Variants in STAB1 observed in about 807,000 individuals in gnomAD.
STAB1 encodes stabilin-1.
In STAB1, 250 loss-of-function variants were observed where a neutral mutation model predicts 332.4. The observed-to-expected ratio is 0.75, with a 90% CI of 0.68 to 0.84. STAB1 has a LOEUF of 0.84. STAB1 is among the 40% of genes least tolerant of loss of function. The probability of loss-of-function intolerance (pLI) is 0.00; values close to 1 mark genes in which losing one functional copy is unlikely to be tolerated. For missense variants in STAB1, 3,249 were observed against 3,489.7 expected (o/e 0.93, Z 1.74); for synonymous variants, 1,475 against 1,390.4 (o/e 1.06, Z -1.35).
chr3:52,512,693 G>T lies in STAB1; in HGVS notation c.3027+50G>T, dbSNP rs1433836680. 3 of 1,611,840 alleles carry T rather than the reference G, an allele frequency of 1.9e-6. No homozygotes were observed. In the South Asian group the frequency reaches 3.3e-5, roughly 18 times the overall value. On this transcript the variant is annotated intron_variant, in intron 28 of 68. Coordinates refer to ENST00000321725, the MANE Select transcript of STAB1 (RefSeq NM_015136.3). ...TTGAGGGCTCAAATCCAGGAGGCCTGCCTGGATGGAGGGGTGCCATATAAC... is the reference window on the plus strand; with the variant it reads ...TTGAGGGCTCAAATCCAGGAGGCCTTCCTGGATGGAGGGGTGCCATATAAC...
chr3:52,513,066 C>T, intron 29 of STAB1, 64 bp from the exon 30 acceptor site: 1 of 1,555,034 alleles, frequency 6.4e-7, no homozygotes, highest in Admixed American at 2.0e-5. Flanking sequence ...TGGGCCCAGC[C>T]CCAAAGGTCT....
chr3:52,510,598 C>A, intron 25 of STAB1, 91 bp downstream of exon 25: 1 of 1,491,484 alleles, frequency 6.7e-7, no homozygotes, highest in South Asian at 1.3e-5. Context: ...GTCAGGTGCT[C>A]AGGGTCTGGA....
rs1044934226 is a variant in STAB1 at position 52,521,322 on chromosome 3, G to A, written c.5909-39G>A. On this transcript the variant is annotated intron_variant, in intron 55 of 68. Coordinates refer to ENST00000321725, the MANE Select transcript of STAB1 (RefSeq NM_015136.3). ...TACGTATATGGGGGTCCTGGTGAGA[G>A]CCCCTGGCCCCACCTCACTTCTCCT... 136 of 1,611,868 alleles carry A rather than the reference G, an allele frequency of 8.4e-5. No individual in the cohort carries two copies. In the Middle Eastern group the frequency reaches 1.4e-3, roughly 17 times the overall value.
intron 1 of STAB1, 145 bp from the exon 2 acceptor site, chr3:52,501,021 T>C: frequency 1.7e-6 from 2 of 1,202,862 alleles, no homozygotes; most frequent in Non-Finnish European, 2.3e-6. Context: ...AACTCAGCTC[T>C]GTGCCCAGAA....
intron 64 of STAB1, 21 bp from the exon 65 acceptor site, chr3:52,523,406 C>T: frequency 2.5e-6 from 4 of 1,609,796 alleles, no homozygotes; most frequent in Non-Finnish European, 2.5e-6. Context: ...CCCAGGCCAA[C>T]AGGCCTTGCT....
At position 52,517,924 on chromosome 3, in the gene STAB1, G is replaced by A. The variant is rs780354717; in HGVS notation, c.4682G>A (p.Gly1561Glu). ...CCATATGCCACCTGCAAAAGCACAG[G>A]GGATGGCCAGAGGACATGTACCTGC... ...CSPYATCKST[G>E]DGQRTCTCDT... The change falls in exon 45 of 69, where the codon GGG (glycine) becomes GAG (glutamate). Residue 1561 changes from glycine to glutamate, a missense_variant. Transcript: ENST00000321725. The A allele has an allele frequency of 6.2e-6, 10 of 1,611,426 alleles. No individual in the cohort carries two copies. Among genetic ancestry groups the A allele is most frequent in the African/African-American group, 1.3e-5 (1 of 74,856 alleles).
rs758304282 is a variant in STAB1, at chr3:52,501,221, C to T, written c.134C>T (p.Thr45Ile). 4 of 1,613,778 alleles carry T rather than the reference C, an allele frequency of 2.5e-6. No individual in the cohort carries two copies. In the South Asian group the frequency reaches 4.4e-5, roughly 18 times the overall value. The change falls in exon 2 of 69, where the codon ACC (threonine) becomes ATC (isoleucine). Residue 45 changes from threonine (T) to isoleucine (I), a missense_variant. By Grantham distance (89) the Thr-to-Ile change is moderately conservative. Transcript: ENST00000321725. The part of the protein sequence containing the change: ...KTTFVTHVPC[T>I]SCAAIKKQTC... ...ACGTTTGTCACTCATGTACCCTGCA[C>T]CTCGTGCGCGGCCATCAAGAAGCAG...
chr3:52,504,485 C>G lies in STAB1; in HGVS notation c.1175C>G (p.Thr392Ser), dbSNP rs1708696887. 3 of 1,614,076 alleles carry G rather than the reference C, an allele frequency of 1.9e-6. No individual in the cohort carries two copies. The highest frequency in any genetic ancestry group is 2.5e-6 in the Non-Finnish European group (3 of 1,180,010). ...MMDQGCREIL[T>S]TAGPFTVLVP... The stretch of plus-strand genomic sequence containing the variant: ...GACCAGGGCTGCCGGGAAATCCTTA[C>G]CACAGCGGGCCCTTTCACCGTGCTG... The change falls in exon 11 of 69, where the codon ACC becomes AGC. Residue 392 changes from threonine (T) to serine (S), a missense_variant. Coordinates refer to ENST00000321725, the MANE Select transcript of STAB1 (RefSeq NM_015136.3).
rs1033083395 is a variant in STAB1 at position 52,518,723 on chromosome 3, G to A, written c.4888G>A (p.Asp1630Asn). The change falls in exon 48 of 69, where the codon GAT (aspartate) becomes AAT (asparagine). Residue 1630 changes from aspartate (D) to asparagine (N), a missense_variant and splice_region_variant. By Grantham distance (23) the Asp-to-Asn change is conservative. Transcript: ENST00000321725. ...CACTCCCCTCGCGACTCTGCTCCAG[G>A]ATGAGCTGGCCCGGATTCGTGCGCA... Reference protein sequence around the residue: ...HADLMSNLSQDELARIRAHRQ... With the variant: ...HADLMSNLSQNELARIRAHRQ... 3 of 1,612,316 alleles carry A rather than the reference G, an allele frequency of 1.9e-6. No homozygotes were observed. Among genetic ancestry groups the A allele is most frequent in the Non-Finnish European group, 2.5e-6 (3 of 1,179,726 alleles).
At position 52,514,173 on chromosome 3, in the gene STAB1, C is replaced by A. The variant is rs140391958; in HGVS notation, c.3506C>A (p.Thr1169Asn). 7.7e-5 allele frequency: 125 copies of A among 1,613,420 alleles called. No individual in the cohort carries two copies. The African/African-American group carries it at 1.5e-3, about 19-fold the overall frequency. ...ACTGCCTACACCATCTTTGTGCCCA[C>A]CAACCGCTCCCTGGAGGCCCAGGGC... ...AATAYTIFVP[T>N]NRSLEAQGNS... Residue 1169 changes from threonine to asparagine, a missense_variant, in exon 33 of 69, where the codon ACC becomes AAC. By Grantham distance (65) the Thr-to-Asn change is moderately conservative. Coordinates refer to ENST00000321725, the MANE Select transcript of STAB1 (RefSeq NM_015136.3).
intron 10 of STAB1, 69 bp from the exon 11 acceptor site, chr3:52,504,392 C>T (rs557395496): frequency 2.6e-4 from 405 of 1,558,100 alleles, no homozygotes; most frequent in Admixed American, 4.3e-4. Context: ...GGTCTGATGC[C>T]CGAACATCTT....
intron 49 of STAB1, 35 bp from the exon 50 acceptor site, chr3:52,519,470 G>T (rs368367587): frequency 6.8e-6 from 11 of 1,612,634 alleles, no homozygotes; most frequent in East Asian, 2.2e-5. Flanking sequence ...CTCCCTTCCC[G>T]CCTGGCCTAG....
intron 25 of STAB1, among the ~76,000 whole-genome samples, chr3:52,511,164 G>C (rs906713815): frequency 6.6e-6 from 1 of 152,224 alleles, no homozygotes; most frequent in Non-Finnish European, 1.5e-5. Context: ...TGCTCCCAAC[G>C]TGCAAACAAG....
rs867432520 is a variant in STAB1 at position 52,523,753 on chromosome 3, G to T, written c.7392G>T (p.Gln2464His). The T allele has an allele frequency of 9.4e-6, 15 of 1,597,670 alleles. No homozygotes were observed. Among genetic ancestry groups the T allele is most frequent in the Non-Finnish European group, 1.3e-5 (15 of 1,167,850 alleles). ...CCAGCCCCCTCCTGGCACCCCCACA[G>T]CCCGTGAGTTGAGGAAGGGGGAGGC... ...ALASPLLAPP[Q>H]PQAVLAPEAP... Residue 2464 changes from glutamine to histidine, a missense_variant, in exon 66 of 69, where the codon CAG becomes CAT. By Grantham distance (24) the Gln-to-His change is conservative. Transcript: ENST00000321725.
chr3:52,502,709 G>A lies in STAB1; in HGVS notation c.565G>A (p.Gly189Ser), dbSNP rs750717575. Residue 189 changes from glycine to serine, a missense_variant, in exon 6 of 69, where the codon GGC becomes AGC. Physicochemically the swap from Gly to Ser is moderately conservative, Grantham distance 56. Coordinates refer to ENST00000321725, the MANE Select transcript of STAB1 (RefSeq NM_015136.3). Reference protein sequence around the residue: ...GSCLCFAGYTGPHCDQELPVC... With the variant: ...GSCLCFAGYTSPHCDQELPVC... ...CTGCCTGTGCTTTGCTGGATACACT[G>A]GCCCCCACTGTGATCAAGGTGAGCA... 1 of 1,613,520 alleles carries A rather than the reference G, an allele frequency of 6.2e-7. No homozygotes were observed. The highest frequency in any genetic ancestry group is 8.5e-7 in the Non-Finnish European group (1 of 1,179,768).
chr3:52,501,157 TG>T lies in STAB1; in HGVS notation c.79-7del. 6.2e-7 allele frequency: 1 copy of T among 1,611,020 alleles called. No individual in the cohort carries two copies. The highest frequency in any genetic ancestry group is 1.7e-5 in the Admixed American group (1 of 59,982). On this transcript the variant is annotated splice_region_variant and splice_polypyrimidine_tract_variant and intron_variant, in intron 1 of 68. Transcript: ENST00000321725. ...CAGGCCCCTGACCACACCCTGCCTG[TG>T]GCCCCAGGTGCTGTTCAAAGGCTGT...
At position 52,514,753 on chromosome 3, in the gene STAB1, G is replaced by A. The variant is rs772716510; in HGVS notation, c.3731G>A (p.Arg1244His). 37 of 1,612,896 alleles carry A rather than the reference G, an allele frequency of 2.3e-5. No individual in the cohort carries two copies. Among genetic ancestry groups the A allele is most frequent in the Middle Eastern group, 1.6e-4 (1 of 6,084 alleles). The change falls in exon 35 of 69, where the codon CGC (arginine) becomes CAC (histidine). Residue 1244 changes from arginine to histidine, a missense_variant. Coordinates refer to ENST00000321725, the MANE Select transcript of STAB1 (RefSeq NM_015136.3). ...GGCCCCATGCTGGAGGCCCCTGGCCGCTCGCTGATTGGTCTGTCGGGGGTC... is the reference window on the plus strand; with the variant it reads ...GGCCCCATGCTGGAGGCCCCTGGCCACTCGCTGATTGGTCTGTCGGGGGTC... ...LEGPMLEAPGRSLIGLSGVLT... is the reference protein window; with the variant it reads ...LEGPMLEAPGHSLIGLSGVLT...
At position 52,503,646 on chromosome 3, in the gene STAB1, T is replaced by C. The variant is rs1212900073; in HGVS notation, c.891+106T>C. ...TTCTGGTAGCCTCAGTTTCCCCACT[T>C]GTAAAGTGGGGAGAGGATAAGGGTC... On this transcript the variant is annotated intron_variant, in intron 8 of 68. Coordinates refer to ENST00000321725, the MANE Select transcript of STAB1 (RefSeq NM_015136.3). The C allele has an allele frequency of 3.2e-6, 5 of 1,560,400 alleles. 1 individual carries two copies. Among genetic ancestry groups the C allele is most frequent in the Non-Finnish European group, 3.5e-6 (4 of 1,150,546 alleles).
In STAB1 at chr3:52,516,079, T is replaced by C; in HGVS notation, c.3985T>C (p.Cys1329Arg). The C allele has an allele frequency of 1.2e-6, 2 of 1,611,602 alleles. No homozygotes were observed. The highest frequency in any genetic ancestry group is 1.7e-6 in the Non-Finnish European group (2 of 1,179,246). The stretch of plus-strand genomic sequence containing the variant: ...CTGCCCTGGTTTCTTTGGCACGCTG[T>C]GTGAGCCATGCCCAGGGGGTCTAGG... ...DCCPGFFGTL[C>R]EPCPGGLGGV... Residue 1329 changes from cysteine (C) to arginine (R), a missense_variant, in exon 38 of 69, where the codon TGT becomes CGT. Physicochemically the swap from Cys to Arg is radical, Grantham distance 180. Transcript: ENST00000321725.
Sources: allele counts gnomAD v4.1 joint callset (sites outside exome capture counted in the v4.1 genomes callset), GRCh38; gene constraint gnomAD v4.1.1; transcripts MANE v1.5; gene names NCBI Gene and HGNC (gene_info 2026-07-23, HGNC 2026-07-21).